The following HMCN2 variants were observed in gnomAD, a reference collection of about 807,000 sequenced individuals.
The protein encoded by HMCN2 is hemicentin 2.
In HMCN2, 325 loss-of-function variants were observed where a neutral mutation model predicts 377.5. The observed-to-expected ratio is 0.86, with a 90% confidence interval of 0.79 to 0.94. HMCN2 has a LOEUF of 0.94. Ranked by LOEUF, HMCN2 falls within the 40% of genes least tolerant of loss-of-function variation. The probability of loss-of-function intolerance (pLI) is 0.00; values close to 1 mark genes in which losing one functional copy is unlikely to be tolerated. For missense variants in HMCN2, 4,543 were observed against 4,725.3 expected (o/e 0.96, Z 1.13); for synonymous variants, 2,007 against 2,046.8 (o/e 0.98, Z 0.53).
chr9:130,289,011 C>T (rs1211637279), intron 4 of HMCN2, among the ~76,000 whole-genome samples: 1 of 152,240 alleles, frequency 6.6e-6, no homozygotes, highest in Non-Finnish European at 1.5e-5. Flanking sequence ...CAGCCTCCCC[C>T]AAGTTCCCTG....
intron 96 of HMCN2, 44 bp from the exon 97 acceptor site, chr9:130,432,385 A>G (rs1242708640): frequency 6.5e-7 from 1 of 1,549,062 alleles, no homozygotes; most frequent in South Asian, 1.2e-5. Flanking sequence ...CCTTTGCTCC[A>G]TCTTTTCATC....
chr9:130,430,275 C>G lies in HMCN2; in HGVS notation c.14327-9C>G. 6.5e-7 allele frequency: 1 copy of G among 1,530,912 alleles called. No homozygotes were observed. Among genetic ancestry groups the G allele is most frequent in the Non-Finnish European group, 8.8e-7 (1 of 1,142,330 alleles). 94.8% of individuals were successfully genotyped at this position (1,530,912 alleles called of 1,614,324 possible). ...ACCTGTGCACACACCTGACCCCACC[C>G]GTCTGCAGATGTCAATGAGTGCCTG... On this transcript the variant is annotated splice_polypyrimidine_tract_variant and intron_variant, in intron 94 of 97. Transcript: ENST00000683500.
intron 59 of HMCN2, among the ~76,000 whole-genome samples, chr9:130,385,245 C>T (rs932671182): frequency 1.3e-4 from 20 of 152,188 alleles, no homozygotes; most frequent in Admixed American, 9.8e-4. Context: ...AGGGGCTGAA[C>T]GGGCCTCGAC....
rs1668912116 is a variant in HMCN2, at chr9:130,410,653, G to C, written c.12961+1G>C. ...AAAGTGGTGATCCTCGTCCTGCAGA[G>C]TGAGTCTCGGCCTCAGCAGAGTGGG... On this transcript the variant is annotated splice_donor_variant, in intron 85 of 97. Coordinates refer to ENST00000683500, the MANE Select transcript of HMCN2 (RefSeq NM_001291815.2). LOFTEE classifies it high-confidence loss of function. The C allele has an allele frequency of 6.4e-7, 1 of 1,550,636 alleles. No individual in the cohort carries two copies. The highest frequency in any genetic ancestry group is 1.2e-5 in the South Asian group (1 of 84,064).
At chr9:130,301,638 C>T (rs1171727180) in intron 8 of HMCN2, among the ~76,000 whole-genome samples, 1 of 152,198 alleles carries the variant, frequency 6.6e-6, no homozygotes, top group African/African-American at 2.4e-5. Context: ...GTCAGACACC[C>T]CTCCCCCCCC....
Position 130,395,293 on chromosome 9 carries a change from G to A in HMCN2, c.10857G>A (p.Val3619=). 7.8e-7 allele frequency: 1 copy of A among 1,289,594 alleles called. No homozygotes were observed. The highest frequency in any genetic ancestry group is 1.0e-6 in the Non-Finnish European group (1 of 988,746). 79.9% of individuals were successfully genotyped at this position (1,289,594 alleles called of 1,614,324 possible). A position where few individuals can be genotyped will look rare whatever the true frequency, so the allele number is the denominator to read the frequency against. The change falls in exon 71 of 98, where the codon GTG becomes GTA. Residue 3619 remains valine (V), a synonymous_variant. Coordinates refer to ENST00000683500, the MANE Select transcript of HMCN2 (RefSeq NM_001291815.2). ...GGCAGCTGGTCCTGGAGTGTTCGGT[G>A]GAGGCAGAGCCAGCGCCCAAGATCA... ...APGQLVLECS[V]EAEPAPKITW... is the part of the protein sequence containing the mutation.
In HMCN2 at chr9:130,391,284, G is replaced by A; in HGVS notation, c.9748G>A (p.Ala3250Thr). The A allele has an allele frequency of 1.0e-6, 1 of 987,690 alleles. No homozygotes were observed. The highest frequency in any genetic ancestry group is 1.7e-5 in the African/African-American group (1 of 57,438). The allele number at this position is 987,690 out of a possible 1,614,324, so 61.2% of individuals were successfully genotyped here. Residue 3250 changes from alanine to threonine, a missense_variant, in exon 64 of 98, where the codon GCC (alanine) becomes ACC (threonine). Around this residue, in one of 5 missense-constraint regions of HMCN2, gnomAD observed 736 missense variants for 773.2 expected, o/e 0.95. Coordinates refer to ENST00000683500, the MANE Select transcript of HMCN2 (RefSeq NM_001291815.2). ...GCAGGAGGTGCGGCTGGACTGTGAG[G>A]CCGATGGGCAGCCGCCGCCGGACGT... is the stretch of plus-strand genomic sequence containing the variant. ...EGQEVRLDCE[A>T]DGQPPPDVAW...
At chr9:130,391,914 C>G in intron 65 of HMCN2, 21 bp from the exon 66 acceptor site, 1 of 987,236 alleles carries the variant, frequency 1.0e-6, no homozygotes, top group Non-Finnish European at 1.2e-6. Flanking sequence ...CACTACCCCT[C>G]TTTTTTCTAC....
At position 130,396,018 on chromosome 9, in the gene HMCN2, G is replaced by A. The variant is rs763882386; in HGVS notation, c.11006G>A (p.Arg3669His). ...AGCGGCGACTACAGCTGCACAGCCC[G>A]CAACGCCGCAGGCAGCACTAGTGTC... is the stretch of plus-strand genomic sequence containing the variant. ...ADSGDYSCTA[R>H]NAAGSTSVAF... Residue 3669 changes from arginine (R) to histidine (H), a missense_variant, in exon 72 of 98, where the codon CGC (arginine) becomes CAC (histidine). Physicochemically the swap from Arg to His is conservative, Grantham distance 29. Transcript: ENST00000683500. 2.5e-5 allele frequency: 32 copies of A among 1,287,236 alleles called. No homozygotes were observed. The highest frequency in any genetic ancestry group is 2.0e-4 in the African/African-American group (13 of 65,794). 79.7% of individuals were successfully genotyped at this position (1,287,236 alleles called of 1,614,324 possible).
rs1842128113 is a variant in HMCN2, at chr9:130,388,415, C to G, written c.9398C>G (p.Pro3133Arg). The G allele has an allele frequency of 1.0e-6, 1 of 987,892 alleles. No individual in the cohort carries two copies. Among genetic ancestry groups the G allele is most frequent in the African/African-American group, 1.7e-5 (1 of 57,284 alleles). 61.2% of individuals were successfully genotyped at this position (987,892 alleles called of 1,614,324 possible). Residue 3133 changes from proline to arginine, a missense_variant, in exon 62 of 98, where the codon CCA (proline) becomes CGA (arginine). By Grantham distance (103) the Pro-to-Arg change is moderately radical. Coordinates refer to ENST00000683500, the MANE Select transcript of HMCN2 (RefSeq NM_001291815.2). ...RTFTLTVQVPPTFENPKTETV... is the reference protein window; with the variant it reads ...RTFTLTVQVPRTFENPKTETV... ...TCTGGCTTTCTTCCTGCAGTGCCCC[C>G]AACATTTGAGAACCCCAAGACAGAG...
Position 130,428,582 on chromosome 9 carries a change from C to G in HMCN2, c.14197+93C>G. ...ACAGGGGGCTGTGTGTCACTGGGCT[C>G]TGGGCTTCCAGGAAGACTGGGACTC... On this transcript the variant is annotated intron_variant, in intron 93 of 97. Coordinates refer to ENST00000683500, the MANE Select transcript of HMCN2 (RefSeq NM_001291815.2). The surrounding 1 kb of genome is among the most constrained non-coding windows in gnomAD (Gnocchi z 5.0). 1 of 1,465,824 alleles carries G rather than the reference C, an allele frequency of 6.8e-7. No individual in the cohort carries two copies. The highest frequency in any genetic ancestry group is 9.1e-7 in the Non-Finnish European group (1 of 1,096,592). The allele number at this position is 1,465,824 out of a possible 1,614,324, so 90.8% of individuals were successfully genotyped here.
At chr9:130,307,884 A>G (rs566983891) in intron 14 of HMCN2, among the ~76,000 whole-genome samples, 1 of 152,266 alleles carries the variant, frequency 6.6e-6, no homozygotes, top group African/African-American at 2.4e-5. Flanking sequence ...AAAATCAAAG[A>G]TAGGTTGGTT....
chr9:130,334,962 A>G (rs1838664924), intron 22 of HMCN2, among the ~76,000 whole-genome samples: 1 of 151,896 alleles, frequency 6.6e-6, no homozygotes, highest in Non-Finnish European at 1.5e-5. Context: ...TCAGCCTCTC[A>G]ATTAGCTGGG....
rs539712265 is a variant in HMCN2, at chr9:130,430,352, C to T, written c.14395C>T (p.Arg4799Cys). 1.7e-4 allele frequency: 259 copies of T among 1,548,758 alleles called. No homozygotes were observed. The Middle Eastern group carries it at 2.0e-3, about 12-fold the overall frequency. Residue 4799 changes from arginine (R) to cysteine (C), a missense_variant, in exon 95 of 98, where the codon CGC becomes TGC. By Grantham distance (180) the Arg-to-Cys change is radical. This residue lies in a region of HMCN2 where 1,155 missense variants were observed against 1,157.7 expected (regional missense o/e 1.00). Transcript: ENST00000683500. ...YQCHNLQGSY[R>C]CLCPPGQTLL... is the part of the protein sequence containing the mutation. ...GTGCCACAACCTCCAGGGCAGCTAC[C>T]GCTGCCTGTGCCCCCCAGGCCAGAC... is the stretch of plus-strand genomic sequence containing the variant.
intron 19 of HMCN2, among the ~76,000 whole-genome samples, chr9:130,322,454 T>C (rs1443388931): frequency 6.6e-6 from 1 of 152,210 alleles, no homozygotes; most frequent in Non-Finnish European, 1.5e-5. Flanking sequence ...TGTCATTGTC[T>C]TGGCACCTAA....
At chr9:130,354,730 T>C in intron 31 of HMCN2, 33 bp from the exon 32 acceptor site, 3 of 1,267,726 alleles carry the variant, frequency 2.4e-6, no homozygotes, top group Non-Finnish European at 3.1e-6. Flanking sequence ...CGTCCAGCTG[T>C]GGTCCCCAAG....
At chr9:130,349,816 C>T (rs1839602853) in intron 29 of HMCN2, among the ~76,000 whole-genome samples, 153 bp downstream of exon 29, 1 of 152,032 alleles carries the variant, frequency 6.6e-6, no homozygotes, top group Non-Finnish European at 1.5e-5. Flanking sequence ...GGGGCGCCTC[C>T]CACCCAGCAG....
intron 16 of HMCN2, among the ~76,000 whole-genome samples, chr9:130,319,953 T>A (rs1837760797): frequency 6.6e-6 from 1 of 152,186 alleles, no homozygotes; most frequent in African/African-American, 2.4e-5. Context: ...GTTGTGTGGA[T>A]AATCTGTACA....
chr9:130,374,821 AC>A, intron 49 of HMCN2, 128 bp downstream of exon 49: 1 of 326,840 alleles, frequency 3.1e-6, no homozygotes, highest in Non-Finnish European at 4.4e-6. Context: ...GAGTTTGACA[AC>A]AAAAATCATA....
Sources: allele counts gnomAD v4.1 joint callset (sites outside exome capture counted in the v4.1 genomes callset), GRCh38; gene constraint gnomAD v4.1.1; regional missense constraint gnomAD v4.1.1; non-coding constraint Gnocchi (gnomAD v3.1); transcripts MANE v1.5; gene names NCBI Gene and HGNC (gene_info 2026-07-23, HGNC 2026-07-21).